The following CEP162 variants were observed in gnomAD, a reference collection of about 807,000 sequenced individuals.
CEP162 encodes the protein centrosomal protein 162, also known as centrosomal protein of 162 kDa.
In CEP162, 141 loss-of-function variants were observed where a neutral mutation model predicts 169.2. That is an observed-to-expected ratio of 0.83 (90% confidence interval 0.73 to 0.96). The LOEUF is 0.96. Ranked by LOEUF, CEP162 falls within the 40% of genes least tolerant of loss-of-function variation. The pLI is 0.00. For missense variants in CEP162, 1,600 were observed against 1,587.2 expected, an observed-to-expected ratio of 1.01 and a Z score of -0.14; for synonymous variants, 540 against 526.4, an observed-to-expected ratio of 1.03 and a Z score of -0.35.
chr6:84,227,167 C>T (rs1464642530), intron 1 of CEP162, among the ~76,000 whole-genome samples: 1 of 152,142 alleles, frequency 6.6e-6, no homozygotes, highest in Non-Finnish European at 1.5e-5. Context: ...AACCTTGGGT[C>T]GACCCCCAGC....
In CEP162 at chr6:84,174,104, T is replaced by C. The variant is rs1460015293; in HGVS notation, c.2110A>G (p.Lys704Glu). ...AADPVTGEKL[K>E]QIQKEIQEQE... is the part of the protein sequence containing the mutation. ...TCTTGTATTTCTTTTTGGATTTGCTTCAACTTTTCTCCAGTGACAGGATCA... is the reference window on the plus strand; with the variant it reads ...TCTTGTATTTCTTTTTGGATTTGCTCCAACTTTTCTCCAGTGACAGGATCA... The change falls in exon 16 of 27, where the codon AAG becomes GAG. Residue 704 changes from lysine (K) to glutamate (E), a missense_variant. By Grantham distance (56) the Lys-to-Glu change is moderately conservative. Transcript: ENST00000403245. The C allele has an allele frequency of 6.2e-7, 1 of 1,611,926 alleles. No individual in the cohort carries two copies. Among genetic ancestry groups the C allele is most frequent in the Non-Finnish European group, 8.5e-7 (1 of 1,178,596 alleles).
chr6:84,203,588 G>A (rs1054570172), intron 7 of CEP162, among the ~76,000 whole-genome samples: 16 of 152,076 alleles, frequency 1.1e-4, no homozygotes, highest in Non-Finnish European at 2.1e-4. Context: ...GGGACTACAG[G>A]CATGTGCCAC....
chr6:84,148,555 A>G (rs930771289), intron 24 of CEP162, among the ~76,000 whole-genome samples: 5 of 152,260 alleles, frequency 3.3e-5, no homozygotes, highest in Admixed American at 6.5e-5. Context: ...TCTCTTTAGA[A>G]TAAGGGCATT....
chr6:84,135,855 C>G (rs1326311004), intron 25 of CEP162, among the ~76,000 whole-genome samples: 3 of 152,196 alleles, frequency 2.0e-5, no homozygotes, highest in Admixed American at 6.5e-5. Context: ...AACAGTAAGA[C>G]TGTCTCAAAA....
In CEP162 at chr6:84,227,332, G is replaced by A. The variant is rs2099556126; in HGVS notation, c.-60+248C>T. ...TTTCGATCAGTTCAGGGTAAGTGCGGTTAAGGTCTTGGCCTGAATAGCTTG... is the reference window on the plus strand; with the variant it reads ...TTTCGATCAGTTCAGGGTAAGTGCGATTAAGGTCTTGGCCTGAATAGCTTG... On this transcript the variant is annotated intron_variant, in intron 1 of 26. Coordinates refer to ENST00000403245, the MANE Select transcript of CEP162 (RefSeq NM_014895.4). 3.3e-5 allele frequency among the ~76,000 whole-genome samples: 5 copies of A among 152,120 alleles called. No individual in the cohort carries two copies. The South Asian group carries it at 1.0e-3, about 32-fold the overall frequency.
At chr6:84,159,548 T>TATATATATATATATATATATA (rs1491229310) in intron 21 of CEP162, among the ~76,000 whole-genome samples, 1 of 14,262 alleles carries the variant, frequency 7.0e-5, no homozygotes, top group African/African-American at 2.9e-4. Context: ...TATATATATA[T>TATATATATATATATATATATA]TTTTTTTTTT....
chr6:84,126,260 C>G (rs1300658441), intron 26 of CEP162, 118 bp downstream of exon 26: 8 of 622,428 alleles, frequency 1.3e-5, no homozygotes, highest in South Asian at 5.8e-5. Context: ...TTAACAAGAT[C>G]AAAATACACT....
intron 11 of CEP162, among the ~76,000 whole-genome samples, chr6:84,188,121 G>T (rs1307128826): frequency 7.2e-6 from 1 of 138,284 alleles, no homozygotes; most frequent in African/African-American, 2.8e-5. Flanking sequence ...AAAAAAAAAA[G>T]AGTGTCATCT....
At position 84,220,300 on chromosome 6, in the gene CEP162, G is replaced by A. The variant is rs558667466; in HGVS notation, c.172+757C>T. ...TAGGTACTGAAATAGAAGCAGTCGG[G>A]GTTGTTTACAGATGTGGCAGTATCA... On this transcript the variant is annotated intron_variant, in intron 3 of 26. Transcript: ENST00000403245. 5.3e-5 allele frequency among the ~76,000 whole-genome samples: 8 copies of A among 152,190 alleles called. No homozygotes were observed. In the East Asian group the frequency reaches 7.7e-4, roughly 15 times the overall value.
intron 14 of CEP162, 76 bp from the exon 15 acceptor site, chr6:84,175,030 G>A: frequency 2.9e-6 from 3 of 1,030,240 alleles, no homozygotes; most frequent in Non-Finnish European, 4.2e-6. Flanking sequence ...ATTAAAAAAA[G>A]AATAAAAAGG....
intron 21 of CEP162, among the ~76,000 whole-genome samples, chr6:84,156,123 TA>T (rs1488107657): frequency 3.9e-5 from 6 of 152,028 alleles, no homozygotes; most frequent in Non-Finnish European, 8.8e-5. Flanking sequence ...AAAAATACAC[TA>T]GGGAAAGGAC....
chr6:84,202,917 G>A (rs2099545214), intron 7 of CEP162, among the ~76,000 whole-genome samples: 1 of 151,976 alleles, frequency 6.6e-6, no homozygotes, highest in Non-Finnish European at 1.5e-5. Flanking sequence ...CAAATACTAA[G>A]TAAACTTGAA....
intron 16 of CEP162, 52 bp from the exon 17 acceptor site, chr6:84,171,770 T>C: frequency 1.4e-6 from 1 of 701,402 alleles, no homozygotes; most frequent in Non-Finnish European, 2.3e-6. Flanking sequence ...AGTACTTATA[T>C]AACATAATAT....
In CEP162 at chr6:84,213,027, G is replaced by A; in HGVS notation, c.504-3C>T. The A allele has an allele frequency of 6.6e-7, 1 of 1,515,106 alleles. No homozygotes were observed. Among genetic ancestry groups the A allele is most frequent in the Non-Finnish European group, 8.9e-7 (1 of 1,117,564 alleles). 93.9% of individuals were successfully genotyped at this position (1,515,106 alleles called of 1,614,324 possible). ...TTAGTTCTGCGTTGGCTTGATTACTGGAAAAAATATTTATTTAATTTAGCA... is the reference window on the plus strand; with the variant it reads ...TTAGTTCTGCGTTGGCTTGATTACTAGAAAAAATATTTATTTAATTTAGCA... On this transcript the variant is annotated splice_polypyrimidine_tract_variant and splice_region_variant and intron_variant, in intron 5 of 26. Coordinates refer to ENST00000403245, the MANE Select transcript of CEP162 (RefSeq NM_014895.4).
intron 6 of CEP162, among the ~76,000 whole-genome samples, chr6:84,205,845 T>G (rs2099546707): frequency 6.6e-6 from 1 of 150,692 alleles, no homozygotes; most frequent in African/African-American, 2.5e-5. Flanking sequence ...CAAAATCTCC[T>G]TAAGCTGATA....
intron 9 of CEP162, among the ~76,000 whole-genome samples, chr6:84,195,409 A>G (rs1157246061): frequency 1.3e-5 from 2 of 152,094 alleles, no homozygotes; most frequent in Non-Finnish European, 2.9e-5. Context: ...CTCCTTTACC[A>G]TTACCATTCT....
At chr6:84,141,729 CTG>C (rs1417929961) in intron 25 of CEP162, among the ~76,000 whole-genome samples, 1 of 152,150 alleles carries the variant, frequency 6.6e-6, no homozygotes, top group Non-Finnish European at 1.5e-5. Flanking sequence ...AAACAGAACA[CTG>C]TCTCAGGGAA....
intron 18 of CEP162, among the ~76,000 whole-genome samples, chr6:84,165,471 C>A (rs1033049094): frequency 6.6e-6 from 1 of 151,956 alleles, no homozygotes; most frequent in Non-Finnish European, 1.5e-5. Context: ...TCCTGATAAC[C>A]CCCTCTTCTG....
At chr6:84,191,009 G>A (rs889513329) in intron 11 of CEP162, among the ~76,000 whole-genome samples, 2 of 152,122 alleles carry the variant, frequency 1.3e-5, no homozygotes, top group Non-Finnish European at 2.9e-5. Context: ...TTTTTTGCTT[G>A]TAAATTTGCT....
Sources: allele counts gnomAD v4.1 joint callset (sites outside exome capture counted in the v4.1 genomes callset), GRCh38; gene constraint gnomAD v4.1.1; transcripts MANE v1.5; gene names NCBI Gene and HGNC (gene_info 2026-07-23, HGNC 2026-07-21).